The following ARHGEF12 variants were observed in gnomAD, a reference collection of about 807,000 sequenced individuals.
ARHGEF12 encodes the protein KMT2A/ARHGEF12 fusion protein.
ARHGEF12 carries 66 observed loss-of-function variants against 211.2 expected under a neutral mutation model. The ratio of observed to expected loss-of-function variants is 0.31; its 90% CI spans 0.26 to 0.38. The LOEUF is 0.38. Ranked by LOEUF, ARHGEF12 falls within the 10% of genes least tolerant of loss-of-function variation. The pLI is 1.00. For synonymous variants in ARHGEF12, 592 were observed against 638.4 expected (o/e 0.93, Z 1.09); for missense variants, 1,429 against 1,869.5 (o/e 0.76, Z 4.34).
At chr11:120,434,623 T>G (rs1293554760) in intron 11 of ARHGEF12, among the ~76,000 whole-genome samples, 1 of 152,244 alleles carries the variant, frequency 6.6e-6, no homozygotes, top group African/African-American at 2.4e-5. Context: ...TGTCTTCTCA[T>G]TTTTATAAAA....
intron 14 of ARHGEF12, 121 bp from the exon 15 acceptor site, chr11:120,441,983 T>G: frequency 1.2e-6 from 1 of 844,472 alleles, no homozygotes; most frequent in Admixed American, 2.7e-5. Context: ...GGTTATATAG[T>G]AATAACTACA....
intron 11 of ARHGEF12, 72 bp from the exon 12 acceptor site, chr11:120,437,236 T>C: frequency 4.8e-6 from 5 of 1,037,574 alleles, no homozygotes; most frequent in Non-Finnish European, 7.1e-6. Context: ...AATTTTTTTT[T>C]CACACTTTTT....
chr11:120,354,754 T>C (rs1943084839), intron 1 of ARHGEF12, among the ~76,000 whole-genome samples: 2 of 152,196 alleles, frequency 1.3e-5, no homozygotes, highest in African/African-American at 4.8e-5. Flanking sequence ...GTATTGTTTC[T>C]AGGTAGAGAA....
Position 120,435,040 on chromosome 11 carries a change from TA to T in ARHGEF12, c.925-2266del, listed in dbSNP as rs1945653380. ...AATATTCTTATTAAATCCTAAGAAT[TA>T]ATATTTTCTCAATACACAATTTTAT... On this transcript the variant is annotated intron_variant, in intron 11 of 40. Transcript: ENST00000397843. Among the ~76,000 whole-genome samples the T allele has an allele frequency of 4.6e-5, 7 of 152,316 alleles. No homozygotes were observed. The South Asian group carries it at 1.4e-3, about 32-fold the overall frequency.
chr11:120,403,066 C>T (rs1301674400), intron 1 of ARHGEF12, among the ~76,000 whole-genome samples: 2 of 152,098 alleles, frequency 1.3e-5, no homozygotes, highest in African/African-American at 4.8e-5. Flanking sequence ...AATAACACAT[C>T]GGGAAGGGCC....
chr11:120,387,648 A>G (rs1417928313), intron 1 of ARHGEF12, among the ~76,000 whole-genome samples: 1 of 152,120 alleles, frequency 6.6e-6, no homozygotes, highest in African/African-American at 2.4e-5. Flanking sequence ...ATACAAAATT[A>G]TTGGTAGTAT....
chr11:120,389,392 A>T (rs530640240), intron 1 of ARHGEF12, among the ~76,000 whole-genome samples: 57 of 152,056 alleles, frequency 3.7e-4, no homozygotes, highest in Admixed American at 4.6e-4. Flanking sequence ...CCAAGGTCAC[A>T]CCTCTTTGCT....
intron 11 of ARHGEF12, among the ~76,000 whole-genome samples, chr11:120,434,031 C>G (rs993056444): frequency 1.3e-5 from 2 of 151,998 alleles, no homozygotes; most frequent in Non-Finnish European, 2.9e-5. Flanking sequence ...GACTGTTTGA[C>G]ATGTAATTGA....
intron 1 of ARHGEF12, 199 bp from the exon 2 acceptor site, chr11:120,405,919 A>C: frequency 4.4e-6 from 2 of 459,160 alleles, no homozygotes; most frequent in Non-Finnish European, 7.5e-6. Flanking sequence ...ATGCACTGGC[A>C]GTTTAAGATT....
chr11:120,400,812 A>C (rs1211774617), intron 1 of ARHGEF12, among the ~76,000 whole-genome samples: 1 of 152,238 alleles, frequency 6.6e-6, no homozygotes, highest in African/African-American at 2.4e-5. Flanking sequence ...GCTGTTGTGC[A>C]TGTAAGCTCT....
chr11:120,444,134 G>A (rs746379699), intron 15 of ARHGEF12, among the ~76,000 whole-genome samples: 3 of 152,166 alleles, frequency 2.0e-5, no homozygotes, highest in Non-Finnish European at 2.9e-5. Flanking sequence ...GGGACATAGC[G>A]GGGTCACTTA....
chr11:120,366,735 C>T (rs1389802901), intron 1 of ARHGEF12, among the ~76,000 whole-genome samples: 1 of 152,182 alleles, frequency 6.6e-6, no homozygotes, highest in Non-Finnish European at 1.5e-5. Flanking sequence ...TAATTAGAGG[C>T]TGGATGAGGT....
At position 120,468,018 on chromosome 11, in the gene ARHGEF12, C is replaced by G. The variant is rs544830614; in HGVS notation, c.2854+710C>G. Reference sequence around the variant, plus strand: ...TCTGGTTCAACCATCCTTGTTCTAGCCTGCATCATTTTTGCTTTGAAGAAG... The same window carrying G: ...TCTGGTTCAACCATCCTTGTTCTAGGCTGCATCATTTTTGCTTTGAAGAAG... On this transcript the variant is annotated intron_variant, in intron 29 of 40. Coordinates refer to ENST00000397843, the MANE Select transcript of ARHGEF12 (RefSeq NM_015313.3). 2.0e-5 allele frequency among the ~76,000 whole-genome samples: 3 copies of G among 152,270 alleles called. No homozygotes were observed. The East Asian group carries it at 5.8e-4, about 29-fold the overall frequency.
intron 1 of ARHGEF12, among the ~76,000 whole-genome samples, chr11:120,364,147 C>T (rs978595383): frequency 1.3e-5 from 2 of 152,012 alleles, no homozygotes; most frequent in Admixed American, 6.6e-5. Context: ...GGAAGAAGAT[C>T]GTCAGTCTGT....
chr11:120,414,575 T>C (rs1049744727), intron 4 of ARHGEF12, among the ~76,000 whole-genome samples: 1 of 152,214 alleles, frequency 6.6e-6, no homozygotes, highest in African/African-American at 2.4e-5. Context: ...CACAGTCTGG[T>C]ACAAAAGAAT....
In ARHGEF12 at chr11:120,431,867, T is replaced by C; in HGVS notation, c.880T>C (p.Cys294Arg). ...TGGAGATGTACTGGGCAGGACTGAC[T>C]GTAGCAGTGGAGATGCTTCTCGGCC... ...DPGDVLGRTD[C>R]SSGDASRPSS... Residue 294 changes from cysteine to arginine, a missense_variant, in exon 11 of 41, where the codon TGT (cysteine) becomes CGT (arginine). By Grantham distance (180) the Cys-to-Arg change is radical. Coordinates refer to ENST00000397843, the MANE Select transcript of ARHGEF12 (RefSeq NM_015313.3). 6.2e-7 allele frequency: 1 copy of C among 1,613,570 alleles called. No homozygotes were observed. The highest frequency in any genetic ancestry group is 8.5e-7 in the Non-Finnish European group (1 of 1,179,800).
intron 1 of ARHGEF12, among the ~76,000 whole-genome samples, chr11:120,366,835 C>T (rs890854324): frequency 4.6e-5 from 7 of 151,996 alleles, no homozygotes; most frequent in Non-Finnish European, 8.8e-5. Context: ...GCTAACATGG[C>T]GAAACCCCAT....
chr11:120,404,320 C>G (rs1944627484), intron 1 of ARHGEF12, among the ~76,000 whole-genome samples: 1 of 152,062 alleles, frequency 6.6e-6, no homozygotes, highest in South Asian at 2.1e-4. Flanking sequence ...ATGAAATAGC[C>G]AAGAAGGTTC....
chr11:120,358,662 G>T (rs1481999555), intron 1 of ARHGEF12, among the ~76,000 whole-genome samples: 1 of 152,116 alleles, frequency 6.6e-6, no homozygotes, highest in Non-Finnish European at 1.5e-5. Flanking sequence ...CAGTTCCTCA[G>T]TGACACTAGC....
Sources: gnomAD v4.1 joint callset for allele counts (sites outside exome capture counted in the v4.1 genomes callset) on GRCh38, gnomAD v4.1.1 for gene constraint, MANE v1.5 for transcripts, NCBI Gene and HGNC (gene_info 2026-07-23, HGNC 2026-07-21) for gene names.